The following ZNF518B variants were observed in gnomAD, a reference collection of about 807,000 sequenced individuals.
ZNF518B encodes zinc finger protein 518B.
ZNF518B carries 23 observed loss-of-function variants against 56.3 expected under a neutral mutation model. The observed-to-expected ratio is 0.41, with a 90% CI of 0.29 to 0.58. The LOEUF is 0.58. Ranked by LOEUF, ZNF518B falls within the 20% of genes least tolerant of loss-of-function variation. ZNF518B has a pLI of 0.32. For synonymous variants in ZNF518B, 529 were observed against 465.9 expected, an observed-to-expected ratio of 1.14 and a Z score of -1.74; for missense variants, 1,460 against 1,272.1, an observed-to-expected ratio of 1.15 and a Z score of -2.25.
chr4:10,459,502 G>A (rs536328580), upstream of ZNF518B, among the ~76,000 whole-genome samples: 2 of 152,174 alleles, frequency 1.3e-5, no homozygotes, highest in South Asian at 2.1e-4. Flanking sequence ...ACGTTGAAGC[G>A]CTAATATCCC....
chr4:10,448,106 C>A (rs2108990874), intron 2 of ZNF518B, among the ~76,000 whole-genome samples: 1 of 152,294 alleles, frequency 6.6e-6, no homozygotes, highest in Middle Eastern at 3.4e-3. Flanking sequence ...AGTTTTTCAT[C>A]TAGCAACTAG....
In ZNF518B at chr4:10,446,228, C is replaced by T. The variant is rs760524342; in HGVS notation, c.101G>A (p.Arg34Gln). Residue 34 changes from arginine to glutamine, a missense_variant, in exon 3 of 3, where the codon CGG becomes CAG. Physicochemically the swap from Arg to Gln is conservative, Grantham distance 43. Transcript: ENST00000326756. ...PKQPDANGAP[R>Q]PNRQEAQTLL... is the part of the protein sequence containing the mutation. ...GGTTTGTGCTTCTTGTCTATTTGGC[C>T]GAGGTGCTCCATTAGCATCAGGCTG... 17 of 1,614,014 alleles carry T rather than the reference C, an allele frequency of 1.1e-5. No homozygotes were observed. Among genetic ancestry groups the T allele is most frequent in the South Asian group, 5.5e-5 (5 of 91,078 alleles).
intron 2 of ZNF518B, chr4:10,453,033 G>A (rs954181510): frequency 2.0e-5 from 3 of 152,196 alleles, no homozygotes; most frequent in African/African-American, 7.2e-5. Context: ...CTTGGGACAA[G>A]AAGAACAAGG....
chr4:10,446,149 A>G lies in ZNF518B; in HGVS notation c.180T>C (p.Cys60=). The change falls in exon 3 of 3, where the codon TGT becomes TGC. Residue 60 remains cysteine, a synonymous_variant. Transcript: ENST00000326756. The stretch of plus-strand genomic sequence containing the variant: ...TCTTGTGAACACTTTTGCACTTTGC[A>G]CATGTAGCAATGGTCATCATGGCAG... ...AEAAMMTIAT[C]AKCKSVHKIS... is the part of the protein sequence containing the mutation. 1 of 1,614,210 alleles carries G rather than the reference A, an allele frequency of 6.2e-7. No individual in the cohort carries two copies. The highest frequency in any genetic ancestry group is 8.5e-7 in the Non-Finnish European group (1 of 1,180,036).
chr4:10,442,905 T>C lies in ZNF518B; in HGVS notation c.*199A>G, dbSNP rs1276828276. 1.8e-6 allele frequency: 1 copy of C among 548,646 alleles called. No homozygotes were observed. The highest frequency in any genetic ancestry group is 3.2e-6 in the Non-Finnish European group (1 of 315,538). The allele number at this position is 548,646 out of a possible 1,614,324, so 34.0% of individuals were successfully genotyped here. A position where few individuals can be genotyped will look rare whatever the true frequency, so the allele number is the denominator to read the frequency against. On this transcript the variant is annotated 3_prime_UTR_variant, in exon 3 of 3. Transcript: ENST00000326756. ...CATATGTACCAATTTGCATGTACAA[T>C]TTCAGAGCCTTCAAATACATTCTGG...
At chr4:10,449,434 C>T (rs188238056) in intron 2 of ZNF518B, among the ~76,000 whole-genome samples, 7 of 152,272 alleles carry the variant, frequency 4.6e-5, no homozygotes, top group African/African-American at 1.7e-4. Flanking sequence ...AGTTTAATAT[C>T]GCCATAAACA....
rs562611695 is a variant in ZNF518B at position 10,444,344 on chromosome 4, A to G, written c.1985T>C (p.Ile662Thr). 1 of 1,614,160 alleles carries G rather than the reference A, an allele frequency of 6.2e-7. No homozygotes were observed. Among genetic ancestry groups the G allele is most frequent in the African/African-American group, 1.3e-5 (1 of 75,040 alleles). ...WNSSTSKIKS[I>T]ELLRRKIAQL... is the part of the protein sequence containing the mutation. Reference sequence around the variant, plus strand: ...AGCTATCTTTCTGCGCAACAGTTCAATTGACTTTATTTTAGACGTTGAGCT... The same window carrying G: ...AGCTATCTTTCTGCGCAACAGTTCAGTTGACTTTATTTTAGACGTTGAGCT... The change falls in exon 3 of 3, where the codon ATT (isoleucine) becomes ACT (threonine). Residue 662 changes from isoleucine (I) to threonine (T), a missense_variant. Physicochemically the swap from Ile to Thr is moderately conservative, Grantham distance 89 (BLOSUM62 -1). Transcript: ENST00000326756.
Position 10,446,042 on chromosome 4 carries a change from G to T in ZNF518B, c.287C>A (p.Pro96His). The change falls in exon 3 of 3, where the codon CCC (proline) becomes CAC (histidine). Residue 96 changes from proline to histidine, a missense_variant. Transcript: ENST00000326756. ...ATTATTGCTCACAAAATGAAAATTG[G>T]GAGGAGCTGCACCGAGGCTGCACTG... Reference protein sequence around the residue: ...CFQCSLGAAPPNFHFVSNNSS... With the variant: ...CFQCSLGAAPHNFHFVSNNSS... 1 of 1,614,066 alleles carries T rather than the reference G, an allele frequency of 6.2e-7. No individual in the cohort carries two copies. The highest frequency in any genetic ancestry group is 8.5e-7 in the Non-Finnish European group (1 of 1,180,022).
rs761485087 is a variant in ZNF518B, at chr4:10,443,832, T to C, written c.2497A>G (p.Ile833Val). ...LQPLRSERGP[I>V]DMSPNIETPL... ...GTCTCGATATTTGGGGACATATCTA[T>C]TGGCCCCCTTTCACTTCTTAAAGGC... The change falls in exon 3 of 3, where the codon ATA becomes GTA. Residue 833 changes from isoleucine to valine, a missense_variant. Coordinates refer to ENST00000326756, the MANE Select transcript of ZNF518B (RefSeq NM_053042.3). 5.0e-6 allele frequency: 8 copies of C among 1,614,122 alleles called. No homozygotes were observed. Among genetic ancestry groups the C allele is most frequent in the South Asian group, 4.4e-5 (4 of 91,086 alleles).
In ZNF518B at chr4:10,445,101, C is replaced by T. The variant is rs144393783; in HGVS notation, c.1228G>A (p.Gly410Arg). 575 of 1,613,956 alleles carry T rather than the reference C, an allele frequency of 3.6e-4. No individual in the cohort carries two copies. The highest frequency in any genetic ancestry group is 4.3e-4 in the Non-Finnish European group (512 of 1,180,022). Residue 410 changes from glycine to arginine, a missense_variant, in exon 3 of 3, where the codon GGG (glycine) becomes AGG (arginine). Coordinates refer to ENST00000326756, the MANE Select transcript of ZNF518B (RefSeq NM_053042.3). ...ATGCCTACGAGTTTTCCAACATTCCCGTCAACTGTCAGTGACTTTGTTTTT... is the reference window on the plus strand; with the variant it reads ...ATGCCTACGAGTTTTCCAACATTCCTGTCAACTGTCAGTGACTTTGTTTTT... Reference protein sequence around the residue: ...AEKTKSLTVDGNVGKLVGIDS... With the variant: ...AEKTKSLTVDRNVGKLVGIDS...
chr4:10,453,407 G>T (rs1715404689), intron 2 of ZNF518B: 1 of 152,164 alleles, frequency 6.6e-6, no homozygotes, highest in Non-Finnish European at 1.5e-5. Context: ...TGTCTACAGG[G>T]AGTATTTTGG....
In ZNF518B at chr4:10,445,239, A is replaced by G. The variant is rs1483611882; in HGVS notation, c.1090T>C (p.Phe364Leu). The G allele has an allele frequency of 6.2e-7, 1 of 1,614,204 alleles. No individual in the cohort carries two copies. The highest frequency in any genetic ancestry group is 8.5e-7 in the Non-Finnish European group (1 of 1,180,028). Residue 364 changes from phenylalanine to leucine, a missense_variant, in exon 3 of 3, where the codon TTT becomes CTT. By Grantham distance (22) the Phe-to-Leu change is conservative. Transcript: ENST00000326756. ...NGTQQLVLKL[F>L]PLEENNCLEA... ...AGGCAATTATTTTCTTCCAGCGGAA[A>G]CAGTTTCAGAACAAGCTGCTGTGTA...
At position 10,441,070 on chromosome 4, in the gene ZNF518B, T is replaced by G. The variant is rs563636733; in HGVS notation, c.*2034A>C. The G allele has an allele frequency of 6.5e-6, 1 of 152,750 alleles. No homozygotes were observed. Among genetic ancestry groups the G allele is most frequent in the South Asian group, 2.1e-4 (1 of 4,832 alleles). 9.5% of individuals were successfully genotyped at this position (152,750 alleles called of 1,614,324 possible). On this transcript the variant is annotated 3_prime_UTR_variant, in exon 3 of 3. Coordinates refer to ENST00000326756, the MANE Select transcript of ZNF518B (RefSeq NM_053042.3). Reference sequence around the variant, plus strand: ...TGATCCAAAGGGGTTTCTACTCACTTGTTCACATAAACCAGACCCCATCAT... The same window carrying G: ...TGATCCAAAGGGGTTTCTACTCACTGGTTCACATAAACCAGACCCCATCAT...
rs778688593 is a variant in ZNF518B, at chr4:10,444,830, G to C, written c.1499C>G (p.Ala500Gly). 2 of 1,613,914 alleles carry C rather than the reference G, an allele frequency of 1.2e-6. No individual in the cohort carries two copies. The highest frequency in any genetic ancestry group is 1.7e-6 in the Non-Finnish European group (2 of 1,179,990). The change falls in exon 3 of 3, where the codon GCT becomes GGT. Residue 500 changes from alanine to glycine, a missense_variant. Transcript: ENST00000326756. ...FKNSVLRSLG[A>G]ASNPFPYKAA... Reference sequence around the variant, plus strand: ...TTTATATGGAAAAGGGTTTGATGCAGCTCCAAGACTACGTAAAACACTGTT... The same window carrying C: ...TTTATATGGAAAAGGGTTTGATGCACCTCCAAGACTACGTAAAACACTGTT...
At position 10,445,436 on chromosome 4, in the gene ZNF518B, G is replaced by A. The variant is rs555810226; in HGVS notation, c.893C>T (p.Ser298Phe). ...VVCIPNKMTL[S>F]EPNEVNLFEN... is the part of the protein sequence containing the mutation. ...AAATAGGTTGACTTCATTTGGCTCAGACAGGGTCATTTTATTTGGAATACA... is the reference window on the plus strand; with the variant it reads ...AAATAGGTTGACTTCATTTGGCTCAAACAGGGTCATTTTATTTGGAATACA... Residue 298 changes from serine (S) to phenylalanine (F), a missense_variant, in exon 3 of 3, where the codon TCT becomes TTT. Transcript: ENST00000326756. 9.3e-6 allele frequency: 15 copies of A among 1,614,234 alleles called. No individual in the cohort carries two copies. The highest frequency in any genetic ancestry group is 1.2e-5 in the Non-Finnish European group (14 of 1,180,036).
chr4:10,445,301 C>A lies in ZNF518B; in HGVS notation c.1028G>T (p.Cys343Phe). The change falls in exon 3 of 3, where the codon TGT becomes TTT. Residue 343 changes from cysteine to phenylalanine, a missense_variant. Transcript: ENST00000326756. ...APAELVVPAN[C>F]LAQLIDVKVV... The stretch of plus-strand genomic sequence containing the variant: ...CTTCACATCTATCAACTGGGCTAAA[C>A]AGTTTGCAGGGACAACTAGTTCTGC... The A allele has an allele frequency of 6.2e-7, 1 of 1,614,202 alleles. No homozygotes were observed. Among genetic ancestry groups the A allele is most frequent in the Non-Finnish European group, 8.5e-7 (1 of 1,180,022 alleles).
At chr4:10,458,141 A>G (rs1462039767), upstream of ZNF518B, among the ~76,000 whole-genome samples, 1 of 152,108 alleles carries the variant, frequency 6.6e-6, no homozygotes, top group East Asian at 1.9e-4. Context: ...ACCTGCATCT[A>G]CGGTCCGGAA....
chr4:10,449,802 T>C (rs1715228722), intron 2 of ZNF518B, among the ~76,000 whole-genome samples: 1 of 152,220 alleles, frequency 6.6e-6, no homozygotes. Context: ...AATTCTCAAC[T>C]AAGTCATGTG....
rs1222498679 is a variant in ZNF518B, at chr4:10,443,836, C to T, written c.2493G>A (p.Gly831=). ...SDLQPLRSER[G]PIDMSPNIET... is the part of the protein sequence containing the mutation. ...CGATATTTGGGGACATATCTATTGGCCCCCTTTCACTTCTTAAAGGCTGTA... is the reference window on the plus strand; with the variant it reads ...CGATATTTGGGGACATATCTATTGGTCCCCTTTCACTTCTTAAAGGCTGTA... The change falls in exon 3 of 3, where the codon GGG becomes GGA. Residue 831 remains glycine (G), a synonymous_variant. Coordinates refer to ENST00000326756, the MANE Select transcript of ZNF518B (RefSeq NM_053042.3). 6.2e-7 allele frequency: 1 copy of T among 1,614,180 alleles called. No individual in the cohort carries two copies.
Sources: allele counts gnomAD v4.1 joint callset (sites outside exome capture counted in the v4.1 genomes callset), GRCh38; gene constraint gnomAD v4.1.1; transcripts MANE v1.5; gene names NCBI Gene and HGNC (gene_info 2026-07-23, HGNC 2026-07-21).